The following GPHN variants were observed in gnomAD, a reference collection of about 807,000 sequenced individuals.
GPHN encodes the protein gephyrin.
A neutral mutation model predicts 95.5 loss-of-function variants in GPHN; 17 were observed. The ratio of observed to expected loss-of-function variants is 0.18; its 90% CI spans 0.12 to 0.27. The LOEUF (loss-of-function observed/expected upper bound fraction) is 0.27, where lower values mean the gene tolerates loss of function less well. Among genes scored for constraint, GPHN ranks in the 10% least tolerant of loss-of-function variants. The pLI, the probability that GPHN is intolerant of heterozygous loss-of-function variation, is 1.00. For missense variants in GPHN, 660 were observed against 978.1 expected (o/e 0.67, Z 4.34); for synonymous variants, 320 against 322.5 (o/e 0.99, Z 0.08).
chr14:67,190,014 AT>A, the GPHN span, among the ~76,000 whole-genome samples: 411 of 113,204 alleles, frequency 3.6e-3, no homozygotes, highest in African/African-American at 0.012. Context: ...CTAATTTTGT[AT>A]TTTTTTTTTA....
chr14:66,540,195 C>A (rs1224273767), intron 1 of GPHN, among the ~76,000 whole-genome samples: 1 of 152,138 alleles, frequency 6.6e-6, no homozygotes, highest in Non-Finnish European at 1.5e-5. Flanking sequence ...GGCTAGAGAA[C>A]AACTTCTATT....
chr14:67,239,787 C>A, the GPHN span, among the ~76,000 whole-genome samples: 2 of 152,068 alleles, frequency 1.3e-5, no homozygotes, highest in Non-Finnish European at 2.9e-5. Context: ...ACCCGGGGAG[C>A]GGAGGTTGCA....
chr14:67,670,589 G>A, the GPHN span, among the ~76,000 whole-genome samples: 4 of 151,188 alleles, frequency 2.6e-5, no homozygotes, highest in African/African-American at 9.7e-5. Context: ...CTGAGATAGA[G>A]TCTCGCTCTG....
At chr14:67,656,598 A>C in the GPHN span, 1 of 1,592,600 alleles carries the variant, frequency 6.3e-7, no homozygotes, top group Non-Finnish European at 8.6e-7. Context: ...TTCTGAAAGA[A>C]GTATGGAAGA....
the GPHN span, among the ~76,000 whole-genome samples, chr14:67,235,727 A>T: frequency 2.6e-5 from 4 of 152,060 alleles, no homozygotes; most frequent in African/African-American, 9.7e-5. Flanking sequence ...AAAAAAAAAA[A>T]TTCTCATAGA....
At chr14:67,692,539 T>C in the GPHN span, 3 of 1,611,520 alleles carry the variant, frequency 1.9e-6, no homozygotes, top group East Asian at 2.2e-5. Context: ...CTGGATCTCT[T>C]TGGCCACCAA....
At chr14:67,210,537 A>G in the GPHN span, among the ~76,000 whole-genome samples, 5 of 152,244 alleles carry the variant, frequency 3.3e-5, no homozygotes, top group African/African-American at 9.6e-5. Context: ...TTTTATTTCT[A>G]TAGTCTGGGA....
the GPHN span, among the ~76,000 whole-genome samples, chr14:67,664,657 C>T: frequency 5.3e-5 from 8 of 151,848 alleles, no homozygotes; most frequent in Admixed American, 1.3e-4. Context: ...CCACCATGCC[C>T]GGCTAATTTT....
the GPHN span, chr14:67,726,902 C>T: frequency 1.6e-6 from 2 of 1,287,538 alleles, no homozygotes; most frequent in African/African-American, 2.9e-5. Context: ...TGAGCTAACA[C>T]TGAAGTCCTC....
rs192435987 is a variant in GPHN, at chr14:66,963,750, T to C, written c.829-1441T>C. 2.0e-5 allele frequency among the ~76,000 whole-genome samples: 3 copies of C among 152,274 alleles called. No homozygotes were observed. The East Asian group carries it at 5.8e-4, about 29-fold the overall frequency. On this transcript the variant is annotated intron_variant, in intron 8 of 22. Coordinates refer to ENST00000478722, the MANE Select transcript of GPHN (RefSeq NM_020806.5). ...GCTTTTCATACTATTTATGACTATATTGTTTATAAACCATATAAAATTTCA... is the reference window on the plus strand; with the variant it reads ...GCTTTTCATACTATTTATGACTATACTGTTTATAAACCATATAAAATTTCA...
At chr14:67,071,189 T>C (rs1374842621) in intron 11 of GPHN, among the ~76,000 whole-genome samples, 1 of 152,176 alleles carries the variant, frequency 6.6e-6, no homozygotes, top group Middle Eastern at 3.2e-3. Context: ...CACACGTATG[T>C]TGATTGCAGC....
At chr14:67,240,560 C>G in the GPHN span, among the ~76,000 whole-genome samples, 1 of 152,326 alleles carries the variant, frequency 6.6e-6, no homozygotes, top group South Asian at 2.1e-4. Context: ...TGGGCTTGCT[C>G]GGAAGGTACT....
At chr14:66,669,935 G>T (rs2066207826) in intron 1 of GPHN, among the ~76,000 whole-genome samples, 1 of 152,090 alleles carries the variant, frequency 6.6e-6, no homozygotes, top group Non-Finnish European at 1.5e-5. Flanking sequence ...TGCTGCCTTG[G>T]TCTTAGCACC....
the GPHN span, chr14:67,685,012 T>A: frequency 3.1e-6 from 5 of 1,605,288 alleles, no homozygotes; most frequent in Non-Finnish European, 3.4e-6. Context: ...ATAACATTCA[T>A]ACCTGAAATG....
At chr14:67,577,944 T>C in the GPHN span, 14 of 1,381,022 alleles carry the variant, frequency 1.0e-5, no homozygotes, top group African/African-American at 1.4e-5. Context: ...CCTGGAGCCC[T>C]TGGAAAATGG....
At chr14:66,844,583 G>C (rs2062238573) in intron 4 of GPHN, among the ~76,000 whole-genome samples, 1 of 152,106 alleles carries the variant, frequency 6.6e-6, no homozygotes, top group Admixed American at 6.5e-5. Flanking sequence ...AAAATCTAAA[G>C]AGGTGATAGA....
At chr14:67,236,365 G>A in the GPHN span, among the ~76,000 whole-genome samples, 1 of 151,906 alleles carries the variant, frequency 6.6e-6, no homozygotes, top group Non-Finnish European at 1.5e-5. Context: ...AGCTCCTCCT[G>A]GTATAAGACC....
intron 2 of GPHN, among the ~76,000 whole-genome samples, chr14:66,701,805 T>C (rs1595606339): frequency 6.6e-6 from 1 of 152,174 alleles, no homozygotes; most frequent in East Asian, 1.9e-4. Context: ...ACACCACAGC[T>C]ATGGCTGCCT....
intron 11 of GPHN, among the ~76,000 whole-genome samples, chr14:67,081,690 G>A (rs1187775546): frequency 6.6e-6 from 1 of 152,158 alleles, no homozygotes; most frequent in Non-Finnish European, 1.5e-5. Flanking sequence ...ATGTCTAGAA[G>A]GGTTTTTCTG....
Sources: gnomAD v4.1 joint callset for allele counts (sites outside exome capture counted in the v4.1 genomes callset) on GRCh38, gnomAD v4.1.1 for gene constraint, MANE v1.5 for transcripts, NCBI Gene and HGNC (gene_info 2026-07-23, HGNC 2026-07-21) for gene names.